The following TMEM26 variants were observed in gnomAD, a reference collection of about 807,000 sequenced individuals.
The protein encoded by TMEM26 is transmembrane protein 26.
A neutral mutation model predicts 28.8 loss-of-function variants in TMEM26; 38 were observed. That is an observed-to-expected ratio of 1.32 (90% CI 1.02 to 1.73). TMEM26 has a LOEUF of 1.73. TMEM26 is among the 40% of genes most tolerant of loss of function. The pLI, the probability that TMEM26 is intolerant of heterozygous loss-of-function variation, is 0.00. For missense variants in TMEM26, 518 were observed against 447.1 expected, an observed-to-expected ratio of 1.16 and a Z score of -1.43; for synonymous variants, 227 against 182.9, an observed-to-expected ratio of 1.24 and a Z score of -1.95.
chr10:61,428,793 T>C, intron 4 of TMEM26, 133 bp downstream of exon 4: 1 of 746,226 alleles, frequency 1.3e-6, no homozygotes, highest in Non-Finnish European at 2.2e-6. Context: ...AGCAGCAAAT[T>C]CTCTGATCCT....
chr10:61,431,306 T>C lies in TMEM26; in HGVS notation c.297A>G (p.Thr99=). ...TQYCSIQAEG[T]SQNTSRKEDF... Reference sequence around the variant, plus strand: ...CTTCTTTTCTGCTGGTATTCTGTGATGTTCCTTCAGCCTGGATACTGCAAT... The same window carrying C: ...CTTCTTTTCTGCTGGTATTCTGTGACGTTCCTTCAGCCTGGATACTGCAAT... The change falls in exon 3 of 6, where the codon ACA becomes ACG. Residue 99 remains threonine, a synonymous_variant. Transcript: ENST00000399298. 2 of 1,613,152 alleles carry C rather than the reference T, an allele frequency of 1.2e-6. No homozygotes were observed. Among genetic ancestry groups the C allele is most frequent in the African/African-American group, 1.3e-5 (1 of 74,986 alleles).
rs982719894 is a variant in TMEM26, at chr10:61,407,017, T to C, written c.*3305A>G. ...CTTGTAATTCAAGACTGTTTGGTGT[T>C]TCATTTGCGTCTCTGTAGTATACGT... On this transcript the variant is annotated 3_prime_UTR_variant, in exon 6 of 6. Transcript: ENST00000399298. 1 of 152,126 alleles carries C rather than the reference T, an allele frequency of 6.6e-6. No individual in the cohort carries two copies. Among genetic ancestry groups the C allele is most frequent in the African/African-American group, 2.4e-5 (1 of 41,422 alleles). The allele number at this position is 152,126 out of a possible 1,614,324, so 9.4% of individuals were successfully genotyped here.
intron 4 of TMEM26, among the ~76,000 whole-genome samples, chr10:61,417,412 G>A (rs1211731970): frequency 6.7e-6 from 1 of 150,150 alleles, no homozygotes; most frequent in African/African-American, 2.4e-5. Flanking sequence ...TTTGTTTTTG[G>A]AAGTGTAAAT....
chr10:61,451,012 T>C (rs1056671905), intron 1 of TMEM26, among the ~76,000 whole-genome samples: 6 of 152,182 alleles, frequency 3.9e-5, no homozygotes, highest in African/African-American at 1.4e-4. Context: ...AGGTAAGAAA[T>C]TGAGGCTGAG....
intron 1 of TMEM26, among the ~76,000 whole-genome samples, chr10:61,439,143 T>C (rs1840052524): frequency 6.6e-6 from 1 of 152,234 alleles, no homozygotes; most frequent in South Asian, 2.1e-4. Flanking sequence ...AATGTTCTTC[T>C]CTTGCACGTC....
chr10:61,411,421 C>T (rs993365513), intron 5 of TMEM26, among the ~76,000 whole-genome samples: 1 of 152,148 alleles, frequency 6.6e-6, no homozygotes, highest in African/African-American at 2.4e-5. Context: ...GCAAAGTGTA[C>T]GTGGCTCTGA....
intron 1 of TMEM26, 61 bp from the exon 2 acceptor site, chr10:61,436,309 AATT>A (rs1353252597): frequency 1.8e-6 from 2 of 1,110,684 alleles, no homozygotes; most frequent in African/African-American, 3.2e-5. Flanking sequence ...CAAAAAAAAA[AATT>A]AAGAGGAAGA....
At chr10:61,446,429 C>T (rs145362944) in intron 1 of TMEM26, among the ~76,000 whole-genome samples, 6 of 152,224 alleles carry the variant, frequency 3.9e-5, no homozygotes, top group African/African-American at 1.4e-4. Flanking sequence ...CTCAATAAAG[C>T]AGATCACACA....
intron 2 of TMEM26, 54 bp downstream of exon 2, chr10:61,436,116 G>T: frequency 8.6e-7 from 1 of 1,157,328 alleles, no homozygotes; most frequent in Non-Finnish European, 1.3e-6. Context: ...GGATCATACT[G>T]TGAAAGTAGC....
chr10:61,434,114 TTTC>T (rs146566152), intron 2 of TMEM26, among the ~76,000 whole-genome samples: 276 of 152,276 alleles, frequency 1.8e-3, no homozygotes, highest in African/African-American at 6.4e-3. Flanking sequence ...TATTCTGCCA[TTTC>T]TTCTTTATTT....
Position 61,410,483 on chromosome 10 carries a change from T to C in TMEM26, c.946A>G (p.Arg316Gly). Residue 316 changes from arginine to glycine, a missense_variant, in exon 6 of 6, where the codon AGA (arginine) becomes GGA (glycine). Physicochemically the swap from Arg to Gly is moderately radical, Grantham distance 125. Transcript: ENST00000399298. The part of the protein sequence containing the change: ...VLALAVRASL[R>G]SQSEGLKGEH... ...CCTTTCAGGCCTTCTGACTGACTTC[T>C]CAACGAAGCACGGACTGCCAATGCC... 6.2e-7 allele frequency: 1 copy of C among 1,614,124 alleles called. No homozygotes were observed. Among genetic ancestry groups the C allele is most frequent in the Non-Finnish European group, 8.5e-7 (1 of 1,180,032 alleles).
At chr10:61,419,597 A>G (rs1214610096) in intron 4 of TMEM26, among the ~76,000 whole-genome samples, 2 of 152,116 alleles carry the variant, frequency 1.3e-5, no homozygotes, top group African/African-American at 4.8e-5. Flanking sequence ...AGAAAAAACA[A>G]TCAGTGACCT....
rs1416935324 is a variant in TMEM26 at position 61,452,838 on chromosome 10, G to C, written c.191+53C>G. On this transcript the variant is annotated intron_variant, in intron 1 of 5. Transcript: ENST00000399298. ...GGGAAGATGGCCTGCGAGTGCGGTG[G>C]GGGACAATACCCTAGGGCCCCGTGC... 8 of 1,568,010 alleles carry C rather than the reference G, an allele frequency of 5.1e-6. No homozygotes were observed. In the East Asian group the frequency reaches 1.6e-4, roughly 31 times the overall value.
chr10:61,442,171 C>T (rs1187228919), intron 1 of TMEM26, among the ~76,000 whole-genome samples: 2 of 152,022 alleles, frequency 1.3e-5, no homozygotes, highest in Non-Finnish European at 2.9e-5. Flanking sequence ...ATATTGTTTA[C>T]CATACAAAGT....
chr10:61,444,598 G>A (rs1184197283), intron 1 of TMEM26, among the ~76,000 whole-genome samples: 1 of 146,698 alleles, frequency 6.8e-6, no homozygotes, highest in Non-Finnish European at 1.5e-5. Context: ...TGTGTTCTAA[G>A]CAAAATCATC....
intron 2 of TMEM26, among the ~76,000 whole-genome samples, chr10:61,434,295 G>GC: frequency 6.6e-6 from 1 of 152,260 alleles, no homozygotes; most frequent in East Asian, 1.9e-4. Context: ...AAATTAGAGA[G>GC]CTACTGCTCG....
chr10:61,435,412 CT>C (rs1839987773), intron 2 of TMEM26, among the ~76,000 whole-genome samples: 1 of 152,190 alleles, frequency 6.6e-6, no homozygotes, highest in Admixed American at 6.5e-5. Context: ...ATCTCTTGAC[CT>C]CGTGATCCAC....
At chr10:61,426,929 A>G (rs1205735095) in intron 4 of TMEM26, among the ~76,000 whole-genome samples, 1 of 151,974 alleles carries the variant, frequency 6.6e-6, no homozygotes, top group Admixed American at 6.6e-5. Flanking sequence ...AATTTTTAGG[A>G]GAGAGAAAAA....
chr10:61,435,803 C>T (rs552324922), intron 2 of TMEM26, among the ~76,000 whole-genome samples: 13 of 152,240 alleles, frequency 8.5e-5, no homozygotes, highest in South Asian at 4.1e-4. Context: ...TTGAGGCATG[C>T]CCATTCTTAG....
Sources: allele counts gnomAD v4.1 joint callset (sites outside exome capture counted in the v4.1 genomes callset), GRCh38; gene constraint gnomAD v4.1.1; transcripts MANE v1.5; gene names NCBI Gene and HGNC (gene_info 2026-07-23, HGNC 2026-07-21).